Variants in FFAR4 observed in about 807,000 individuals in gnomAD.
The protein encoded by FFAR4 is free fatty acid receptor 4.
A neutral mutation model predicts 27.0 loss-of-function variants in FFAR4; 19 were observed. The observed-to-expected ratio is 0.70, with a 90% CI of 0.49 to 1.03. The LOEUF (loss-of-function observed/expected upper bound fraction) is 1.03. Among genes scored for constraint, FFAR4 ranks in the 50% least tolerant of loss-of-function variants. The pLI is 0.00. For missense variants in FFAR4, 476 were observed against 479.0 expected (o/e 0.99, Z 0.06); for synonymous variants, 254 against 215.6 (o/e 1.18, Z -1.56).
In FFAR4 at chr10:93,587,371, C is replaced by T. The variant is rs114182737; in HGVS notation, c.848C>T (p.Thr283Ile). The change falls in exon 3 of 3, where the codon ACC becomes ATC. Residue 283 changes from threonine (T) to isoleucine (I), a missense_variant. Transcript: ENST00000371481. ...FFIMWSPIII[T>I]ILLILIQNFK... ...ATCATGTGGAGCCCCATCATCATCA[C>T]CATCCTCCTCATCCTGATCCAGAAC... 1.7e-5 allele frequency: 28 copies of T among 1,614,084 alleles called. No homozygotes were observed. In the East Asian group the frequency reaches 6.2e-4, roughly 36 times the overall value.
At chr10:93,586,559 T>A (rs553943621) in intron 2 of FFAR4, among the ~76,000 whole-genome samples, 1 of 152,214 alleles carries the variant, frequency 6.6e-6, no homozygotes, top group Non-Finnish European at 1.5e-5. Context: ...CAATAGGGGC[T>A]AGATAAATTG....
intron 1 of FFAR4, among the ~76,000 whole-genome samples, chr10:93,572,162 T>C (rs547290186): frequency 6.6e-6 from 1 of 152,238 alleles, no homozygotes; most frequent in African/African-American, 2.4e-5. Context: ...GTAACACACT[T>C]CAGTGGGGAC....
At chr10:93,581,028 C>T (rs1037909091) in intron 2 of FFAR4, among the ~76,000 whole-genome samples, 1 of 152,234 alleles carries the variant, frequency 6.6e-6, no homozygotes, top group Non-Finnish European at 1.5e-5. Flanking sequence ...TGCCTCTACC[C>T]TTTTGTAACA....
intron 2 of FFAR4, among the ~76,000 whole-genome samples, chr10:93,576,671 T>G (rs2058165789): frequency 6.6e-6 from 1 of 152,234 alleles, no homozygotes; most frequent in Admixed American, 6.5e-5. Context: ...AGATATGAGA[T>G]AATACTCTCT....
chr10:93,567,261 C>A lies in FFAR4; in HGVS notation c.541C>A (p.Pro181Thr). Residue 181 changes from proline (P) to threonine (T), a missense_variant, in exon 1 of 3, where the codon CCG becomes ACG. Coordinates refer to ENST00000371481, the MANE Select transcript of FFAR4 (RefSeq NM_001195755.2). ...TCTCTGCGTCTTCTTCCGAGTCGTCCCGCAACGGCTCCCCGGCGCCGACCA... is the reference window on the plus strand; with the variant it reads ...TCTCTGCGTCTTCTTCCGAGTCGTCACGCAACGGCTCCCCGGCGCCGACCA... ...LPLCVFFRVVPQRLPGADQEI... is the reference protein window; with the variant it reads ...LPLCVFFRVVTQRLPGADQEI... The A allele has an allele frequency of 6.2e-7, 1 of 1,600,336 alleles. No individual in the cohort carries two copies.
chr10:93,568,451 G>A (rs1791268154), intron 1 of FFAR4, among the ~76,000 whole-genome samples: 1 of 152,190 alleles, frequency 6.6e-6, no homozygotes, highest in Admixed American at 6.5e-5. Context: ...ACCTAGGAGT[G>A]AATATGGGGC....
chr10:93,573,566 A>G (rs1219840482), intron 1 of FFAR4, among the ~76,000 whole-genome samples: 2 of 152,160 alleles, frequency 1.3e-5, no homozygotes, highest in Non-Finnish European at 2.9e-5. Context: ...GGCACCTGTT[A>G]TTTTATTTTT....
chr10:93,581,489 C>T (rs1437609025), intron 2 of FFAR4, among the ~76,000 whole-genome samples: 1 of 152,188 alleles, frequency 6.6e-6, no homozygotes, highest in Non-Finnish European at 1.5e-5. Flanking sequence ...GTGGGAACAT[C>T]CTCTACCCAT....
chr10:93,585,041 C>T (rs745999740), intron 2 of FFAR4, among the ~76,000 whole-genome samples: 1 of 152,146 alleles, frequency 6.6e-6, no homozygotes, highest in African/African-American at 2.4e-5. Context: ...ATATTTTCAG[C>T]CATTCTGATC....
chr10:93,568,313 C>T (rs967772785), intron 1 of FFAR4, among the ~76,000 whole-genome samples: 7 of 152,278 alleles, frequency 4.6e-5, no homozygotes, highest in Non-Finnish European at 1.0e-4. Context: ...AGAGAAAGGA[C>T]TTAGGTCTGT....
At chr10:93,582,016 G>A (rs756234936) in intron 2 of FFAR4, among the ~76,000 whole-genome samples, 1 of 152,146 alleles carries the variant, frequency 6.6e-6, no homozygotes, top group Admixed American at 6.5e-5. Context: ...TGTGGATTAG[G>A]ATTAATCCTC....
At chr10:93,581,022 T>C (rs572044850) in intron 2 of FFAR4, among the ~76,000 whole-genome samples, 1 of 152,242 alleles carries the variant, frequency 6.6e-6, no homozygotes, top group African/African-American at 2.4e-5. Flanking sequence ...CTGAGATGCC[T>C]CTACCCTTTT....
chr10:93,580,166 C>T (rs925753894), intron 2 of FFAR4, among the ~76,000 whole-genome samples: 5 of 152,156 alleles, frequency 3.3e-5, no homozygotes, highest in Admixed American at 1.3e-4. Flanking sequence ...TGAAGATATA[C>T]GTAACTCAGA....
Sources: gnomAD v4.1 joint callset for allele counts (sites outside exome capture counted in the v4.1 genomes callset) on GRCh38, gnomAD v4.1.1 for gene constraint, MANE v1.5 for transcripts, NCBI Gene and HGNC (gene_info 2026-07-23, HGNC 2026-07-21) for gene names.